The following ZNF462 variants were observed in gnomAD, a reference collection of about 807,000 sequenced individuals.
ZNF462 encodes zinc finger PBX1-interacting protein.
A neutral mutation model predicts 201.9 loss-of-function variants in ZNF462; 10 were observed. That is an observed-to-expected ratio of 0.05 (90% CI 0.03 to 0.08). The LOEUF is 0.08. Among genes scored for constraint, ZNF462 ranks in the 10% least tolerant of loss-of-function variants. ZNF462 has a pLI of 1.00. For synonymous variants in ZNF462, 1,227 were observed against 1,193.3 expected (o/e 1.03, Z -0.58); for missense variants, 2,523 against 3,168.3 (o/e 0.80, Z 4.89).
At chr9:106,888,744 G>A (rs948129993) in intron 1 of ZNF462, among the ~76,000 whole-genome samples, 1 of 152,214 alleles carries the variant, frequency 6.6e-6, no homozygotes, top group Non-Finnish European at 1.5e-5. Context: ...GTGTTCAAAA[G>A]TGTTGACTCT....
At chr9:106,881,388 G>GT (rs150412860) in intron 1 of ZNF462, among the ~76,000 whole-genome samples, 9,397 of 152,150 alleles carry the variant, frequency 0.062, 528 homozygotes, top group African/African-American at 0.15. Flanking sequence ...GTAGACCTCA[G>GT]AGTCAGTGAG....
chr9:106,887,068 AAAG>A (rs1234430790), intron 1 of ZNF462, among the ~76,000 whole-genome samples: 1 of 152,234 alleles, frequency 6.6e-6, no homozygotes, highest in Non-Finnish European at 1.5e-5. Context: ...TTCAAACAAA[AAAG>A]AGAATATTTA....
chr9:106,956,220 G>T (rs1831567642), intron 7 of ZNF462, among the ~76,000 whole-genome samples: 1 of 152,054 alleles, frequency 6.6e-6, no homozygotes, highest in Non-Finnish European at 1.5e-5. Flanking sequence ...TGATCCATGG[G>T]CTACAGAGTG....
At chr9:106,864,081 T>G (rs941868632) in intron 1 of ZNF462, among the ~76,000 whole-genome samples, 2 of 134,096 alleles carry the variant, frequency 1.5e-5, no homozygotes, top group African/African-American at 5.8e-5. Flanking sequence ...TCTCTCTCTC[T>G]CTCTCTCTCT....
At chr9:106,887,229 G>T (rs1324119466) in intron 1 of ZNF462, among the ~76,000 whole-genome samples, 2 of 152,102 alleles carry the variant, frequency 1.3e-5, no homozygotes, top group Non-Finnish European at 2.9e-5. Flanking sequence ...CTGCATTGTT[G>T]GTATTGTCTA....
At chr9:106,980,888 C>A (rs1402662675) in intron 9 of ZNF462, among the ~76,000 whole-genome samples, 1 of 152,152 alleles carries the variant, frequency 6.6e-6, no homozygotes, top group Non-Finnish European at 1.5e-5. Context: ...ATAGAAAAAG[C>A]CCTGAGCACT....
intron 7 of ZNF462, among the ~76,000 whole-genome samples, chr9:106,967,480 C>T (rs58984661): frequency 0.058 from 8,877 of 151,786 alleles, 570 homozygotes; most frequent in East Asian, 0.16. Flanking sequence ...ACAACTCAAA[C>T]TGTTATTCTA....
chr9:106,888,105 G>C (rs562046234), intron 1 of ZNF462, among the ~76,000 whole-genome samples: 1 of 151,006 alleles, frequency 6.6e-6, no homozygotes, highest in Middle Eastern at 3.5e-3. Context: ...GCAGTGGCGC[G>C]ATCTCGGCTC....
At chr9:106,989,980 C>G (rs754625136) in intron 10 of ZNF462, among the ~76,000 whole-genome samples, 1 of 152,080 alleles carries the variant, frequency 6.6e-6, no homozygotes, top group African/African-American at 2.4e-5. Flanking sequence ...TTTATCTTTT[C>G]AAAGAACCAC....
Position 106,928,960 on chromosome 9 carries a change from A to T in ZNF462, c.5048A>T (p.His1683Leu). 1 of 1,614,146 alleles carries T rather than the reference A, an allele frequency of 6.2e-7. No homozygotes were observed. Among genetic ancestry groups the T allele is most frequent in the Non-Finnish European group, 8.5e-7 (1 of 1,180,032 alleles). ...KGIARHYRIK[H>L]NNVRAQPEGK... ...ATCGCCAGGCACTACCGCATCAAGC[A>T]CAATAATGTCCGAGCCCAGCCAGAA... is the stretch of plus-strand genomic sequence containing the variant. The change falls in exon 3 of 13, where the codon CAC (histidine) becomes CTC (leucine). Residue 1683 changes from histidine (H) to leucine (L), a missense_variant. Physicochemically the swap from His to Leu is moderately conservative, Grantham distance 99. Transcript: ENST00000277225. This position sits in a 1 kb window ranked among gnomAD's most constrained non-coding sequence, Gnocchi z 9.3.
chr9:107,009,755 T>C lies in ZNF462; in HGVS notation c.7313+87T>C. On this transcript the variant is annotated intron_variant, in intron 12 of 12. Coordinates refer to ENST00000277225, the MANE Select transcript of ZNF462 (RefSeq NM_021224.6). This position sits in a 1 kb window ranked among gnomAD's most constrained non-coding sequence, Gnocchi z 6.1. Reference sequence around the variant, plus strand: ...GCTCTTGTTTTGGTTCCCCTGACAGTATGTACACCCCTCTGTGTCACATTT... The same window carrying C: ...GCTCTTGTTTTGGTTCCCCTGACAGCATGTACACCCCTCTGTGTCACATTT... 6.4e-7 allele frequency: 1 copy of C among 1,566,382 alleles called. No individual in the cohort carries two copies. Among genetic ancestry groups the C allele is most frequent in the Non-Finnish European group, 8.7e-7 (1 of 1,151,890 alleles).
At chr9:106,985,699 A>G (rs149023426) in intron 10 of ZNF462, among the ~76,000 whole-genome samples, 17 of 152,302 alleles carry the variant, frequency 1.1e-4, no homozygotes, top group African/African-American at 3.8e-4. Flanking sequence ...GTGGAAATAT[A>G]GTCCTTCTTT....
At chr9:106,947,092 T>C (rs1448113850) in intron 7 of ZNF462, among the ~76,000 whole-genome samples, 1 of 152,206 alleles carries the variant, frequency 6.6e-6, no homozygotes, top group African/African-American at 2.4e-5. Flanking sequence ...GAGAATCTGC[T>C]TGCTCTCTGC....
At chr9:106,995,479 T>C (rs1432447911) in intron 10 of ZNF462, 2 of 152,188 alleles carry the variant, frequency 1.3e-5, no homozygotes, top group African/African-American at 2.4e-5. Flanking sequence ...ATAGCCATGG[T>C]AGTTTTGACA....
intron 10 of ZNF462, among the ~76,000 whole-genome samples, chr9:107,000,794 A>G (rs1006599167): frequency 2.0e-5 from 3 of 152,122 alleles, no homozygotes; most frequent in Admixed American, 6.6e-5. Flanking sequence ...GGACAAATAC[A>G]GTCTTCAAAA....
intron 8 of ZNF462, among the ~76,000 whole-genome samples, chr9:106,973,376 C>A (rs1182864562): frequency 6.6e-6 from 1 of 151,894 alleles, no homozygotes; most frequent in Non-Finnish European, 1.5e-5. Context: ...TTTGATGGAA[C>A]GTGTGTTCTA....
At chr9:106,912,480 G>A (rs1829592953) in intron 1 of ZNF462, among the ~76,000 whole-genome samples, 1 of 152,224 alleles carries the variant, frequency 6.6e-6, no homozygotes, top group South Asian at 2.1e-4. Context: ...TGGTTATTCT[G>A]AAATCTGCCT....
chr9:106,985,896 G>T (rs1428751145), intron 10 of ZNF462, among the ~76,000 whole-genome samples: 1 of 152,154 alleles, frequency 6.6e-6, no homozygotes, highest in African/African-American at 2.4e-5. Context: ...CCGAGAAAAT[G>T]AAGCAAAGAG....
At chr9:106,877,975 C>T (rs913568902) in intron 1 of ZNF462, among the ~76,000 whole-genome samples, 2 of 152,118 alleles carry the variant, frequency 1.3e-5, no homozygotes, top group East Asian at 1.9e-4. Flanking sequence ...CCCTAAAAGA[C>T]TGGGAGTGGG....
Sources: allele counts gnomAD v4.1 joint callset (sites outside exome capture counted in the v4.1 genomes callset), GRCh38; gene constraint gnomAD v4.1.1; non-coding constraint Gnocchi (gnomAD v3.1); transcripts MANE v1.5; gene names NCBI Gene and HGNC (gene_info 2026-07-23, HGNC 2026-07-21).